KRT86: variants seen among roughly 807,000 people sequenced by gnomAD.
The protein encoded by KRT86 is keratin, type II cuticular Hb6.
A neutral mutation model predicts 41.2 loss-of-function variants in KRT86; 30 were observed. The observed-to-expected ratio is 0.73, with a 90% CI of 0.54 to 0.99. The LOEUF is 0.99. KRT86 is among the 50% of genes least tolerant of loss of function. KRT86 has a pLI of 0.00. For synonymous variants in KRT86, 238 were observed against 238.1 expected (o/e 1.00, Z 0.00); for missense variants, 561 against 571.4 (o/e 0.98, Z 0.19).
chr12:52,308,464 CT>C lies in KRT86; in HGVS notation c.1341del (p.Val448LeufsTer72). 1 of 1,611,528 alleles carries C rather than the reference CT, an allele frequency of 6.2e-7. No individual in the cohort carries two copies. The highest frequency in any genetic ancestry group is 8.5e-7 in the Non-Finnish European group (1 of 1,179,880). On this transcript the variant is annotated frameshift_variant, in exon 11 of 11. Transcript: ENST00000423955. LOFTEE classifies it high-confidence loss of function. ...GATCTCTGCGCCTCCACTACTGCCC[CT>C]GTTGTCTCCACCAGAGTCAGTAGCG... is the stretch of plus-strand genomic sequence containing the variant. ...CGDLCASTTAPVVSTRVSSVP... is the reference protein window; with the variant it reads ...CGDLCASTTAXVVSTRVSSVP...
chr12:52,303,476 G>GTC (rs1282772707), intron 4 of KRT86, among the ~76,000 whole-genome samples, 168 bp downstream of exon 4: 1 of 93,082 alleles, frequency 1.1e-5, no homozygotes, highest in Non-Finnish European at 2.2e-5. Flanking sequence ...ACCTGTGTAA[G>GTC]AGGAGGGCTG....
intron 2 of KRT86, among the ~76,000 whole-genome samples, chr12:52,297,569 T>A (rs1459880196): frequency 6.6e-6 from 1 of 152,172 alleles, no homozygotes; most frequent in African/African-American, 2.4e-5. Flanking sequence ...TTTCTAATGT[T>A]AAAACCACCT....
chr12:52,285,016 A>G (rs1937880425), intron 2 of KRT86, among the ~76,000 whole-genome samples: 1 of 152,250 alleles, frequency 6.6e-6, no homozygotes, highest in Non-Finnish European at 1.5e-5. Context: ...TCTACTTTAC[A>G]TTCTGCAAAA....
intron 2 of KRT86, chr12:52,291,622 T>C (rs1284670877): frequency 8.5e-7 from 1 of 1,169,858 alleles, no homozygotes; most frequent in Non-Finnish European, 1.2e-6. Context: ...TTGCGCTTTA[T>C]GGGCTTGGGT....
Position 52,301,968 on chromosome 12 carries a change from T to G in KRT86, c.52T>G (p.Cys18Gly), listed in dbSNP as rs550585959. 9.2e-5 allele frequency: 149 copies of G among 1,613,652 alleles called. 1 individual carries two copies. In the Admixed American group the frequency reaches 9.5e-4, roughly 10 times the overall value. ...CCGCGCCTTCAGCTGCATCTCGGCC[T>G]GCGGGCCCCGGCCCGGCCGCTGCTG... is the stretch of plus-strand genomic sequence containing the variant. Reference protein sequence around the residue: ...GGRAFSCISACGPRPGRCCIT... With the variant: ...GGRAFSCISAGGPRPGRCCIT... The change falls in exon 3 of 11, where the codon TGC (cysteine) becomes GGC (glycine). Residue 18 changes from cysteine (C) to glycine (G), a missense_variant. Physicochemically the swap from Cys to Gly is radical, Grantham distance 159 (BLOSUM62 -3). Coordinates refer to ENST00000423955, the MANE Select transcript of KRT86 (RefSeq NM_001320198.2).
At position 52,287,863 on chromosome 12, in the gene KRT86, T is replaced by C; in HGVS notation, c.-5+11917T>C. 5 of 1,601,266 alleles carry C rather than the reference T, an allele frequency of 3.1e-6. No homozygotes were observed. In the South Asian group the frequency reaches 5.5e-5, roughly 18 times the overall value. ...CCTGCCCTGCCACCCCAACCTCAGA[T>C]TGGCAGCCCTCTCTTCTCATCCCTA... On this transcript the variant is annotated intron_variant, in intron 2 of 10. Transcript: ENST00000423955.
chr12:52,288,434 C>G (rs147886632), intron 2 of KRT86: 1 of 1,614,138 alleles, frequency 6.2e-7, no homozygotes, highest in African/African-American at 1.3e-5. Flanking sequence ...GTCTGACTTG[C>G]GGAGGTAGGC....
At chr12:52,287,831 T>A in intron 2 of KRT86, 1 of 1,605,904 alleles carries the variant, frequency 6.2e-7, no homozygotes, top group Non-Finnish European at 8.5e-7. Context: ...CAGCCACACA[T>A]GGCAGTCCTG....
chr12:52,285,271 A>G (rs1294826437), intron 2 of KRT86, among the ~76,000 whole-genome samples: 4 of 151,980 alleles, frequency 2.6e-5, no homozygotes, highest in Non-Finnish European at 5.9e-5. Flanking sequence ...TCCCCCCTCT[A>G]TGCCACATCA....
At chr12:52,275,789 A>G in intron 1 of KRT86, 32 bp from the exon 2 acceptor site, 1 of 980,776 alleles carries the variant, frequency 1.0e-6, no homozygotes, top group Non-Finnish European at 1.2e-6. Context: ...TCACCTCCTG[A>G]CTACAGCTCC....
chr12:52,305,613 T>A, intron 7 of KRT86, 50 bp from the exon 8 acceptor site: 1 of 1,613,894 alleles, frequency 6.2e-7, no homozygotes, highest in Non-Finnish European at 8.5e-7. Context: ...ATGCCCTGAA[T>A]GGGTGGGAGG....
intron 2 of KRT86, among the ~76,000 whole-genome samples, chr12:52,296,262 G>A (rs1259155306): frequency 6.6e-6 from 1 of 152,146 alleles, no homozygotes; most frequent in Non-Finnish European, 1.5e-5. Context: ...GGAAACTGGA[G>A]GACAGTGGAG....
chr12:52,285,122 G>A (rs1483912588), intron 2 of KRT86, among the ~76,000 whole-genome samples: 2 of 152,164 alleles, frequency 1.3e-5, no homozygotes, highest in African/African-American at 4.8e-5. Context: ...ATCAACTTAT[G>A]AGGTGGTTGC....
At chr12:52,283,126 T>A (rs1040920742) in intron 2 of KRT86, among the ~76,000 whole-genome samples, 3 of 152,146 alleles carry the variant, frequency 2.0e-5, no homozygotes, top group Non-Finnish European at 2.9e-5. Context: ...CTGGGTGCGG[T>A]GGCTCATGCC....
chr12:52,288,539 A>G, intron 2 of KRT86: 1 of 1,533,532 alleles, frequency 6.5e-7, no homozygotes, highest in South Asian at 1.1e-5. Flanking sequence ...CATTCCATGT[A>G]GCCAGGGGAA....
At chr12:52,298,295 C>T (rs1483876887) in intron 2 of KRT86, among the ~76,000 whole-genome samples, 1 of 152,214 alleles carries the variant, frequency 6.6e-6, no homozygotes, top group Non-Finnish European at 1.5e-5. Flanking sequence ...TCCTCTGCCC[C>T]TTGGACTGGC....
At chr12:52,287,070 G>A in intron 2 of KRT86, 1 of 1,612,618 alleles carries the variant, frequency 6.2e-7, no homozygotes, top group Non-Finnish European at 8.5e-7. Context: ...GATGGGGAAG[G>A]GTGGTTCTGG....
chr12:52,292,659 CT>C (rs1938157113), intron 2 of KRT86, among the ~76,000 whole-genome samples: 1 of 138,918 alleles, frequency 7.2e-6, no homozygotes, highest in African/African-American at 2.7e-5. Context: ...AAGAACACTT[CT>C]TTATTATTTA....
intron 2 of KRT86, chr12:52,287,578 C>A (rs111635510): frequency 3.1e-6 from 5 of 1,613,888 alleles, no homozygotes; most frequent in East Asian, 4.5e-5. Flanking sequence ...TCTGACCTTG[C>A]GCACAGATGC....
Sources: allele counts gnomAD v4.1 joint callset (sites outside exome capture counted in the v4.1 genomes callset), GRCh38; gene constraint gnomAD v4.1.1; transcripts MANE v1.5; gene names NCBI Gene and HGNC (gene_info 2026-07-23, HGNC 2026-07-21).